The following GSG1L variants were observed in gnomAD, a reference collection of about 807,000 sequenced individuals.
GSG1L encodes GSG1 like, also known as germ cell-specific gene 1-like protein.
Under a neutral mutation model 42.1 loss-of-function variants are expected in GSG1L, and 24 were observed. That is an observed-to-expected ratio of 0.57 (90% CI 0.41 to 0.80). The LOEUF is 0.80. Ranked by LOEUF, GSG1L falls within the 30% of genes least tolerant of loss-of-function variation. The probability of loss-of-function intolerance (pLI) is 0.00; values close to 1 mark genes in which losing one functional copy is unlikely to be tolerated. For synonymous variants in GSG1L, 215 were observed against 203.5 expected, an observed-to-expected ratio of 1.06 and a Z score of -0.48; for missense variants, 445 against 472.2, an observed-to-expected ratio of 0.94 and a Z score of 0.53.
rs925833609 is a variant in GSG1L at position 28,040,782 on chromosome 16, T to A, written c.349+22294A>T. On this transcript the variant is annotated intron_variant, in intron 1 of 6. Transcript: ENST00000447459. The surrounding 1 kb of genome is among the most constrained non-coding windows in gnomAD (Gnocchi z 4.1). ...CACATGCCCGCCCCAGGCAGGGTAG[T>A]GCTGACTGGCCGCCAGGGCATCTCC... Among the ~76,000 whole-genome samples, 1 of 152,164 alleles carries A rather than the reference T, an allele frequency of 6.6e-6. No individual in the cohort carries two copies. The highest frequency in any genetic ancestry group is 1.5e-5 in the Non-Finnish European group (1 of 68,026).
At chr16:27,804,277 C>T (rs975512941) in intron 6 of GSG1L, among the ~76,000 whole-genome samples, 6 of 152,150 alleles carry the variant, frequency 3.9e-5, no homozygotes, top group Non-Finnish European at 8.8e-5. Flanking sequence ...CTGCCTCAGC[C>T]ACCCTGGTCT....
In GSG1L at chr16:27,791,443, G is replaced by T. The variant is rs948840199; in HGVS notation, c.923C>A (p.Ser308Tyr). 3 of 1,513,728 alleles carry T rather than the reference G, an allele frequency of 2.0e-6. No homozygotes were observed. The highest frequency in any genetic ancestry group is 2.7e-6 in the Non-Finnish European group (3 of 1,124,580). The allele number at this position is 1,513,728 out of a possible 1,614,324, so 93.8% of individuals were successfully genotyped here. Residue 308 changes from serine to tyrosine, a missense_variant, in exon 7 of 7, where the codon TCC becomes TAC. This residue lies in a region of GSG1L where 140 missense variants were observed against 120.6 expected (regional missense o/e 1.16). Coordinates refer to ENST00000447459, the MANE Select transcript of GSG1L (RefSeq NM_001109763.2). The part of the protein sequence containing the change: ...PARHQPHMAD[S>Y]WPRSSAQEAP... ...TTCCTGTGCGGAGCTCCGGGGCCAG[G>T]AATCCGCCATGTGTGGCTGGTGTCC...
chr16:27,901,762 G>A (rs895428811), intron 2 of GSG1L, among the ~76,000 whole-genome samples: 2 of 152,224 alleles, frequency 1.3e-5, no homozygotes, highest in African/African-American at 2.4e-5. Context: ...GCCCCGTAGT[G>A]CTTGGGATAA....
chr16:28,017,719 C>T (rs1444760871), intron 1 of GSG1L, among the ~76,000 whole-genome samples: 1 of 152,174 alleles, frequency 6.6e-6, no homozygotes, highest in East Asian at 1.9e-4. Flanking sequence ...GCAAAAGAAG[C>T]AACTTACAAA....
At chr16:27,973,439 CAAAAA>C (rs71140935) in intron 1 of GSG1L, among the ~76,000 whole-genome samples, 97 of 29,852 alleles carry the variant, frequency 3.2e-3, no homozygotes, top group East Asian at 0.018. Context: ...GACCCCATCA[CAAAAA>C]AAAAAAAAAA....
intron 1 of GSG1L, among the ~76,000 whole-genome samples, chr16:28,041,763 C>A (rs2086108598): frequency 6.6e-6 from 1 of 152,218 alleles, no homozygotes; most frequent in Non-Finnish European, 1.5e-5. Context: ...TCTCATAGCA[C>A]CAGCGTCACT....
At position 27,788,851 on chromosome 16, in the gene GSG1L, A is replaced by T. The variant is rs1325360177; in HGVS notation, c.*2519T>A. The T allele has an allele frequency of 2.0e-5, 3 of 152,262 alleles. No individual in the cohort carries two copies. The highest frequency in any genetic ancestry group is 4.4e-5 in the Non-Finnish European group (3 of 68,050). The allele number at this position is 152,262 out of a possible 1,614,324, so 9.4% of individuals were successfully genotyped here. On this transcript the variant is annotated 3_prime_UTR_variant, in exon 7 of 7. Coordinates refer to ENST00000447459, the MANE Select transcript of GSG1L (RefSeq NM_001109763.2). ...ATCCGGATTTAATGGATGAGGAAAC[A>T]GGCACAGAAAGGTCAAGTAACTCGC...
chr16:27,921,409 T>C (rs2084522523), intron 2 of GSG1L, among the ~76,000 whole-genome samples: 1 of 152,224 alleles, frequency 6.6e-6, no homozygotes, highest in Admixed American at 6.5e-5. Context: ...TTAAAGATTT[T>C]GAATGTCATT....
At chr16:27,905,326 T>TC (rs1333197487) in intron 2 of GSG1L, among the ~76,000 whole-genome samples, 1 of 151,410 alleles carries the variant, frequency 6.6e-6, no homozygotes, top group Non-Finnish European at 1.5e-5. Flanking sequence ...AATCTTTTTT[T>TC]TTTTTTTTTT....
chr16:27,850,412 G>C (rs1596554947), intron 3 of GSG1L: 1 of 431,124 alleles, frequency 2.3e-6, no homozygotes, highest in East Asian at 7.1e-5. Context: ...GTCAGAACCG[G>C]AGACTTAAAT....
chr16:27,949,985 C>T (rs1038149543), intron 2 of GSG1L, among the ~76,000 whole-genome samples: 11 of 152,146 alleles, frequency 7.2e-5, no homozygotes, highest in Non-Finnish European at 1.5e-4. Context: ...TCCCAGATTT[C>T]CAGCATAACA....
intron 2 of GSG1L, among the ~76,000 whole-genome samples, chr16:27,941,699 A>G (rs1318658050): frequency 6.6e-6 from 1 of 151,798 alleles, no homozygotes; most frequent in African/African-American, 2.4e-5. Flanking sequence ...GCCAACAGCC[A>G]AGGGACCCAC....
At chr16:27,925,565 G>A (rs2084582544) in intron 2 of GSG1L, among the ~76,000 whole-genome samples, 2 of 152,266 alleles carry the variant, frequency 1.3e-5, no homozygotes, top group African/African-American at 4.8e-5. Context: ...AGAAAAACCT[G>A]GCTATGGATA....
intron 2 of GSG1L, 52 bp downstream of exon 2, chr16:27,963,104 G>A: frequency 6.6e-7 from 1 of 1,507,172 alleles, no homozygotes; most frequent in South Asian, 1.1e-5. Flanking sequence ...AGGTAGGAAA[G>A]ATGTCCCCAG....
At position 28,028,366 on chromosome 16, in the gene GSG1L, A is replaced by G. The variant is rs981991902; in HGVS notation, c.349+34710T>C. 3.3e-5 allele frequency among the ~76,000 whole-genome samples: 5 copies of G among 152,204 alleles called. No homozygotes were observed. The South Asian group carries it at 1.0e-3, about 32-fold the overall frequency. On this transcript the variant is annotated intron_variant, in intron 1 of 6. Coordinates refer to ENST00000447459, the MANE Select transcript of GSG1L (RefSeq NM_001109763.2). ...AAGATGAATAAACCAAGCCTTGAGG[A>G]GGTCAAGTCACTTGCAAATTGACAA...
intron 2 of GSG1L, 125 bp downstream of exon 2, chr16:27,963,015 ACAGGGTGTCTGGCTCC>A (rs2141107831): frequency 1.4e-6 from 1 of 691,256 alleles, no homozygotes; most frequent in East Asian, 2.7e-5. Flanking sequence ...GGGCTTTGCA[ACAGGGTGTCTGGCTCC>A]CAGGGCCCTG....
chr16:27,849,199 A>C (rs976768049), intron 3 of GSG1L, among the ~76,000 whole-genome samples: 7 of 56,882 alleles, frequency 1.2e-4, no homozygotes, highest in African/African-American at 6.6e-4. Context: ...CTCTATCCCA[A>C]AAAGAAAAAA....
chr16:27,894,333 GCC>G (rs2084164660), intron 2 of GSG1L, among the ~76,000 whole-genome samples: 3 of 152,348 alleles, frequency 2.0e-5, no homozygotes, highest in Admixed American at 2.0e-4. Flanking sequence ...AAGGGAAGTA[GCC>G]AAGGAGGATT....
chr16:27,807,435 T>C, intron 6 of GSG1L, 52 bp downstream of exon 6: 3 of 1,480,932 alleles, frequency 2.0e-6, no homozygotes, highest in Non-Finnish European at 2.8e-6. Context: ...TTCTTTCTCC[T>C]CTGGCAGCCC....
Sources: gnomAD v4.1 joint callset for allele counts (sites outside exome capture counted in the v4.1 genomes callset) on GRCh38, gnomAD v4.1.1 for gene constraint, gnomAD v4.1.1 regional missense constraint, Gnocchi (gnomAD v3.1) non-coding constraint, MANE v1.5 for transcripts, NCBI Gene and HGNC (gene_info 2026-07-23, HGNC 2026-07-21) for gene names.